CAMTA1: variants seen among roughly 807,000 people sequenced by gnomAD.
The protein encoded by CAMTA1 is calmodulin-binding transcription activator 1.
In CAMTA1, 27 loss-of-function variants were observed where a neutral mutation model predicts 170.9. The ratio of observed to expected loss-of-function variants is 0.16; its 90% CI spans 0.12 to 0.22. The LOEUF (loss-of-function observed/expected upper bound fraction) is 0.22. Among genes scored for constraint, CAMTA1 ranks in the 10% least tolerant of loss-of-function variants. The probability of loss-of-function intolerance (pLI) is 1.00; values close to 1 mark genes in which losing one functional copy is unlikely to be tolerated. For synonymous variants in CAMTA1, 833 were observed against 891.5 expected (o/e 0.93, Z 1.17); for missense variants, 1,619 against 2,217.2 (o/e 0.73, Z 5.42).
chr1:6,791,825 T>A (rs1395653350), intron 1 of CAMTA1, among the ~76,000 whole-genome samples: 1 of 152,182 alleles, frequency 6.6e-6, no homozygotes, highest in Non-Finnish European at 1.5e-5. Flanking sequence ...ATCATATCCT[T>A]TTATTTTGTG....
At chr1:6,962,714 C>G (rs10864256) in intron 3 of CAMTA1, among the ~76,000 whole-genome samples, 144,287 of 146,274 alleles carry the variant, frequency 0.99, 71,186 homozygotes, top group Middle Eastern at 1. Context: ...TTTTATCCTG[C>G]CCCTGCCCCA....
At chr1:7,378,352 G>T (rs1483318850) in intron 5 of CAMTA1, among the ~76,000 whole-genome samples, 1 of 152,156 alleles carries the variant, frequency 6.6e-6, no homozygotes, top group Admixed American at 6.5e-5. Flanking sequence ...AAAGCAAGAA[G>T]CAACCCAAAA....
chr1:7,752,337 C>T (rs1364989793), intron 20 of CAMTA1, 122 bp from the exon 21 acceptor site: 14 of 787,654 alleles, frequency 1.8e-5, no homozygotes, highest in South Asian at 1.0e-4. Context: ...ACATCTTTAA[C>T]ATATGCTGTT....
chr1:7,694,804 C>T (rs971406871), intron 11 of CAMTA1: 2 of 152,402 alleles, frequency 1.3e-5, no homozygotes, highest in Admixed American at 1.3e-4. Context: ...GACCTCTCTT[C>T]CTCTCCTCAA....
At chr1:7,288,805 C>A (rs1362463721) in intron 5 of CAMTA1, among the ~76,000 whole-genome samples, 7 of 152,132 alleles carry the variant, frequency 4.6e-5, no homozygotes, top group Non-Finnish European at 7.3e-5. Flanking sequence ...ACAGGCGGCT[C>A]TCGTGAAGCA....
At position 7,680,814 on chromosome 1, in the gene CAMTA1, G is replaced by C. The variant is rs112408242; in HGVS notation, c.2914+3081G>C. 3.4e-3 allele frequency among the ~76,000 whole-genome samples: 157 copies of C among 45,664 alleles called. 1 individual carries two copies. The highest frequency in any genetic ancestry group is 0.011 in the African/African-American group (140 of 12,968). The allele number at this position is 45,664 out of a possible 152,430, so 30.0% of individuals were successfully genotyped here. ...TTGTTTGCTTGGCTAAAGGCCGGGGGGGGGCGTGGGTCCGGGGCGCAGAGA... is the reference window on the plus strand; with the variant it reads ...TTGTTTGCTTGGCTAAAGGCCGGGGCGGGGCGTGGGTCCGGGGCGCAGAGA... On this transcript the variant is annotated intron_variant, in intron 11 of 22. Transcript: ENST00000303635. This position sits in a 1 kb window ranked among gnomAD's most constrained non-coding sequence, Gnocchi z 4.4.
intron 16 of CAMTA1, among the ~76,000 whole-genome samples, chr1:7,742,906 G>A (rs1169814588): frequency 6.6e-6 from 1 of 152,098 alleles, no homozygotes; most frequent in Non-Finnish European, 1.5e-5. Context: ...TTGGCTCACT[G>A]CAACTTCCAT....
intron 22 of CAMTA1, among the ~76,000 whole-genome samples, chr1:7,760,671 T>G (rs2096967983): frequency 6.6e-6 from 1 of 152,250 alleles, no homozygotes; most frequent in African/African-American, 2.4e-5. Context: ...GTCATTCTTA[T>G]TGGGCCTCTC....
At chr1:7,177,469 G>GC (rs1651114834) in intron 4 of CAMTA1, among the ~76,000 whole-genome samples, 5 of 121,826 alleles carry the variant, frequency 4.1e-5, no homozygotes, top group Admixed American at 1.6e-4. Flanking sequence ...CACACCCTGA[G>GC]GCCCCCCCAC....
rs566909384 is a variant in CAMTA1 at position 7,555,813 on chromosome 1, T to TC, written c.511-84585dup. Among the ~76,000 whole-genome samples, 95 of 152,304 alleles carry TC rather than the reference T, an allele frequency of 6.2e-4. 3 individuals carry two copies. The highest frequency in any genetic ancestry group is 2.2e-3 in the African/African-American group (91 of 41,574). On this transcript the variant is annotated intron_variant, in intron 6 of 22. Coordinates refer to ENST00000303635, the MANE Select transcript of CAMTA1 (RefSeq NM_015215.4). ...CACCCCCAGGTCACCACTAGGTCTGTCCACCTGTTCTCCTAAATGCCCCAA... is the reference window on the plus strand; with the variant it reads ...CACCCCCAGGTCACCACTAGGTCTGTCCCACCTGTTCTCCTAAATGCCCCAA...
chr1:6,987,063 A>G (rs1167215846), intron 3 of CAMTA1, among the ~76,000 whole-genome samples: 1 of 152,030 alleles, frequency 6.6e-6, no homozygotes, highest in Non-Finnish European at 1.5e-5. Context: ...AAACTCTTCA[A>G]CAAGATTGAA....
intron 3 of CAMTA1, among the ~76,000 whole-genome samples, chr1:6,862,700 CCT>C (rs1202790603): frequency 6.6e-6 from 1 of 152,184 alleles, no homozygotes; most frequent in East Asian, 1.9e-4. Flanking sequence ...GTGCATGCCC[CCT>C]GTTTCTCTCC....
At chr1:7,331,135 A>G (rs1029697577) in intron 5 of CAMTA1, among the ~76,000 whole-genome samples, 2 of 152,142 alleles carry the variant, frequency 1.3e-5, no homozygotes, top group Admixed American at 6.5e-5. Context: ...AGCTACTCGG[A>G]GGCTGAGGTA....
intron 5 of CAMTA1, among the ~76,000 whole-genome samples, chr1:7,285,393 G>A (rs571041697): frequency 1.3e-5 from 2 of 152,172 alleles, no homozygotes; most frequent in Non-Finnish European, 2.9e-5. Flanking sequence ...GTTCTGCGAC[G>A]TGCAAGCTGA....
At chr1:7,061,898 G>A (rs1013212605) in intron 3 of CAMTA1, among the ~76,000 whole-genome samples, 3 of 152,020 alleles carry the variant, frequency 2.0e-5, no homozygotes, top group Non-Finnish European at 2.9e-5. Context: ...TTAATTTGAC[G>A]GTGTATGAGG....
At chr1:7,324,149 T>C (rs1235250270) in intron 5 of CAMTA1, among the ~76,000 whole-genome samples, 1 of 152,218 alleles carries the variant, frequency 6.6e-6, no homozygotes, top group African/African-American at 2.4e-5. Context: ...CTGCTCTATG[T>C]TGCTTTAAAG....
intron 5 of CAMTA1, among the ~76,000 whole-genome samples, chr1:7,406,813 C>T (rs1368031803): frequency 6.6e-6 from 1 of 152,210 alleles, no homozygotes; most frequent in African/African-American, 2.4e-5. Context: ...CACAGCCCCC[C>T]TCCCGACAAT....
intron 3 of CAMTA1, among the ~76,000 whole-genome samples, chr1:6,928,904 T>G (rs113910061): frequency 1.5e-4 from 23 of 152,224 alleles, no homozygotes; most frequent in African/African-American, 5.1e-4. Context: ...GCATCTACCA[T>G]GTTCACTGTT....
chr1:6,955,893 T>C (rs751955765), intron 3 of CAMTA1, among the ~76,000 whole-genome samples: 2 of 152,144 alleles, frequency 1.3e-5, no homozygotes, highest in Non-Finnish European at 1.5e-5. Context: ...CCGCGGGTCT[T>C]CCTGTGCAAA....
Sources: allele counts gnomAD v4.1 joint callset (sites outside exome capture counted in the v4.1 genomes callset), GRCh38; gene constraint gnomAD v4.1.1; non-coding constraint Gnocchi (gnomAD v3.1); transcripts MANE v1.5; gene names NCBI Gene and HGNC (gene_info 2026-07-23, HGNC 2026-07-21).